Variants in CDH23 observed in about 807,000 individuals in gnomAD.
CDH23 encodes cadherin-23.
A neutral mutation model predicts 317.1 loss-of-function variants in CDH23; 189 were observed. That is an observed-to-expected ratio of 0.60 (90% CI 0.53 to 0.67). The LOEUF (loss-of-function observed/expected upper bound fraction) is 0.67. Among genes scored for constraint, CDH23 ranks in the 30% least tolerant of loss-of-function variants. The pLI is 0.00. For synonymous variants in CDH23, 1,839 were observed against 1,876.8 expected, an observed-to-expected ratio of 0.98 and a Z score of 0.52; for missense variants, 4,401 against 4,592.4, an observed-to-expected ratio of 0.96 and a Z score of 1.20.
chr10:71,681,262 G>T (rs1248848931), intron 17 of CDH23, among the ~76,000 whole-genome samples: 1 of 152,122 alleles, frequency 6.6e-6, no homozygotes, highest in Non-Finnish European at 1.5e-5. Context: ...CAAATAGAAA[G>T]TTGTAATTTA....
chr10:71,760,685 G>T, intron 38 of CDH23: 1 of 621,832 alleles, frequency 1.6e-6, no homozygotes, highest in Non-Finnish European at 2.9e-6. Flanking sequence ...TGGAAGGAGA[G>T]TGGGCTTCTG....
At chr10:71,663,317 C>T (rs1251444362) in intron 14 of CDH23, among the ~76,000 whole-genome samples, 3 of 152,170 alleles carry the variant, frequency 2.0e-5, no homozygotes, top group Non-Finnish European at 4.4e-5. Context: ...CTCCGTGCCC[C>T]GACCCGTCTC....
Position 71,777,830 on chromosome 10 carries a change from C to T in CDH23, c.4996C>T (p.Pro1666Ser), listed in dbSNP as rs1395555301. Residue 1666 changes from proline (P) to serine (S), a missense_variant, in exon 39 of 70, where the codon CCC becomes TCC. Transcript: ENST00000224721. ...TIQALDLDEG[P>S]NGTVTYAIVA... ...CCAGGCACTGGACCTGGATGAGGGT[C>T]CCAACGGCACAGTCACCTATGCCAT... The T allele has an allele frequency of 6.2e-7, 1 of 1,613,936 alleles. No homozygotes were observed. Among genetic ancestry groups the T allele is most frequent in the Admixed American group, 1.7e-5 (1 of 60,018 alleles).
intron 15 of CDH23, among the ~76,000 whole-genome samples, chr10:71,675,742 G>A (rs1450971365): frequency 6.6e-6 from 1 of 152,050 alleles, no homozygotes; most frequent in Non-Finnish European, 1.5e-5. Flanking sequence ...GCCCCAAGAG[G>A]GCTCTCAACA....
At chr10:71,781,575 G>C (rs1260053928) in intron 41 of CDH23, among the ~76,000 whole-genome samples, 1 of 152,224 alleles carries the variant, frequency 6.6e-6, no homozygotes, top group African/African-American at 2.4e-5. Flanking sequence ...CTCCAGCACA[G>C]TGCAGACCTC....
intron 1 of CDH23, among the ~76,000 whole-genome samples, chr10:71,402,920 T>C (rs1847851550): frequency 1.3e-5 from 2 of 151,850 alleles, no homozygotes; most frequent in South Asian, 2.1e-4. Flanking sequence ...ATCGAGACCA[T>C]CCTGGCTAAC....
In CDH23 at chr10:71,431,303, C is replaced by T. The variant is rs75046081; in HGVS notation, c.-5-8524C>T. ...CCACCCTGGGGGTCTCAGGTCGTGC[C>T]CTGCCTTCCTGCCCCAGGCACCACT... On this transcript the variant is annotated intron_variant, in intron 1 of 69. Coordinates refer to ENST00000224721, the MANE Select transcript of CDH23 (RefSeq NM_022124.6). Among the ~76,000 whole-genome samples the T allele has an allele frequency of 6.1e-3, 924 of 152,318 alleles. 9 individuals carry two copies. The highest frequency in any genetic ancestry group is 0.021 in the African/African-American group (890 of 41,568).
chr10:71,541,832 A>G (rs1350374106), intron 6 of CDH23, among the ~76,000 whole-genome samples: 1 of 152,274 alleles, frequency 6.6e-6, no homozygotes, highest in African/African-American at 2.4e-5. Flanking sequence ...ACGTGTTCCA[A>G]TACAAGTTTA....
intron 8 of CDH23, among the ~76,000 whole-genome samples, chr10:71,575,069 C>T (rs751874957): frequency 2.0e-5 from 3 of 152,186 alleles, no homozygotes; most frequent in Admixed American, 6.5e-5. Context: ...GCTGGGGGCC[C>T]CACACAGTGG....
intron 11 of CDH23, among the ~76,000 whole-genome samples, chr10:71,643,318 A>T (rs1862655641): frequency 6.6e-6 from 1 of 152,080 alleles, no homozygotes; most frequent in Admixed American, 6.5e-5. Flanking sequence ...GGGGAGAGGG[A>T]GAGGCGTGTG....
intron 57 of CDH23, 47 bp from the exon 58 acceptor site, chr10:71,807,230 C>T (rs768410179): frequency 1.9e-5 from 31 of 1,599,996 alleles, no homozygotes; most frequent in African/African-American, 4.0e-5. Context: ...ACTGGAAGCT[C>T]GGGTCTTCCC....
At chr10:71,726,195 C>A (rs1034880841) in intron 30 of CDH23, among the ~76,000 whole-genome samples, 5 of 152,140 alleles carry the variant, frequency 3.3e-5, no homozygotes, top group African/African-American at 4.8e-5. Flanking sequence ...GCTTCACCCC[C>A]ACCCCTACAC....
intron 6 of CDH23, among the ~76,000 whole-genome samples, chr10:71,546,575 A>G (rs903260932): frequency 6.6e-6 from 1 of 152,228 alleles, no homozygotes; most frequent in Non-Finnish European, 1.5e-5. Flanking sequence ...TGAAACATGC[A>G]TAGGAGTTGG....
rs763820312 is a variant in CDH23 at position 71,702,621 on chromosome 10, AC to A, written c.2664del (p.Thr889ProfsTer33). 1.2e-6 allele frequency: 2 copies of A among 1,613,750 alleles called. No homozygotes were observed. Among genetic ancestry groups the A allele is most frequent in the African/African-American group, 2.7e-5 (2 of 74,862 alleles). ...FVNLLDLNDN[D>X]PTFQNLPFVA... Reference sequence around the variant, plus strand: ...AACCTCTTGGATCTCAATGACAATGACCCCACCTTTCAGAACCTGCCTTTTG... The same window carrying A: ...AACCTCTTGGATCTCAATGACAATGACCCACCTTTCAGAACCTGCCTTTTG... On this transcript the variant is annotated frameshift_variant, in exon 24 of 70. Coordinates refer to ENST00000224721, the MANE Select transcript of CDH23 (RefSeq NM_022124.6). LOFTEE classifies it high-confidence loss of function.
intron 6 of CDH23, among the ~76,000 whole-genome samples, chr10:71,519,095 G>A (rs912013708): frequency 3.3e-5 from 5 of 152,192 alleles, no homozygotes; most frequent in Non-Finnish European, 7.3e-5. Context: ...ATTCTAGCTG[G>A]GAGTCTTTGG....
At chr10:71,745,516 T>C (rs1409004281) in intron 38 of CDH23, among the ~76,000 whole-genome samples, 1 of 152,074 alleles carries the variant, frequency 6.6e-6, no homozygotes, top group African/African-American at 2.4e-5. Context: ...AGACCCCCCC[T>C]CTACTGCCTC....
chr10:71,694,042 G>A (rs1330301449), intron 20 of CDH23, 105 bp from the exon 21 acceptor site: 30 of 889,978 alleles, frequency 3.4e-5, no homozygotes, highest in South Asian at 2.1e-4. Flanking sequence ...AACATTTCTC[G>A]TGCAAGTTCT....
Position 71,766,512 on chromosome 10 carries a change from G to A in CDH23, c.4846-11168G>A, listed in dbSNP as rs554818232. Reference sequence around the variant, plus strand: ...GTGTCCACTTAGTTGTGCCCTCATTGTGTGCCCTTGGGCAGATCCCACCCT... The same window carrying A: ...GTGTCCACTTAGTTGTGCCCTCATTATGTGCCCTTGGGCAGATCCCACCCT... On this transcript the variant is annotated intron_variant, in intron 38 of 69. Transcript: ENST00000224721. Among the ~76,000 whole-genome samples the A allele has an allele frequency of 7.2e-5, 11 of 152,276 alleles. No individual in the cohort carries two copies. In the South Asian group the frequency reaches 2.3e-3, roughly 32 times the overall value.
intron 14 of CDH23, among the ~76,000 whole-genome samples, chr10:71,662,292 C>T (rs1049460865): frequency 2.6e-5 from 4 of 152,114 alleles, no homozygotes; most frequent in African/African-American, 9.7e-5. Flanking sequence ...CAGCACCCGC[C>T]AGTGACAGGC....
Sources: gnomAD v4.1 joint callset for allele counts (sites outside exome capture counted in the v4.1 genomes callset) on GRCh38, gnomAD v4.1.1 for gene constraint, MANE v1.5 for transcripts, NCBI Gene and HGNC (gene_info 2026-07-23, HGNC 2026-07-21) for gene names.